The following LTBP1 variants were observed in gnomAD, a reference collection of about 807,000 sequenced individuals.
LTBP1 encodes latent-transforming growth factor beta-binding protein 1.
LTBP1 carries 129 observed loss-of-function variants against 207.6 expected under a neutral mutation model. That is an observed-to-expected ratio of 0.62 (90% CI 0.54 to 0.72). LTBP1 has a LOEUF of 0.72. Among genes scored for constraint, LTBP1 ranks in the 30% least tolerant of loss-of-function variants. The probability of loss-of-function intolerance (pLI) is 0.00; values close to 1 mark genes in which losing one functional copy is unlikely to be tolerated. For synonymous variants in LTBP1, 963 were observed against 833.7 expected, an observed-to-expected ratio of 1.16 and a Z score of -2.67; for missense variants, 2,281 against 2,217.2, an observed-to-expected ratio of 1.03 and a Z score of -0.58.
chr2:33,304,458 A>T (rs1328961686), intron 22 of LTBP1, among the ~76,000 whole-genome samples: 2 of 152,136 alleles, frequency 1.3e-5, no homozygotes, highest in African/African-American at 4.8e-5. Flanking sequence ...TCTGGCAAAG[A>T]CCTTGTTTTC....
intron 4 of LTBP1, among the ~76,000 whole-genome samples, chr2:33,129,289 A>G (rs2081617703): frequency 6.6e-6 from 1 of 152,196 alleles, no homozygotes; most frequent in Non-Finnish European, 1.5e-5. Flanking sequence ...AGGGATGCGG[A>G]ACACCCAGAA....
At chr2:33,235,364 C>T (rs2091991376) in intron 9 of LTBP1, among the ~76,000 whole-genome samples, 1 of 152,156 alleles carries the variant, frequency 6.6e-6, no homozygotes, top group Non-Finnish European at 1.5e-5. Flanking sequence ...CATCTCACGT[C>T]AGTTAGAATG....
chr2:33,364,797 ACTGATAATTGGCAAAAAGCCG>A (rs2094964819), intron 30 of LTBP1, among the ~76,000 whole-genome samples: 1 of 152,222 alleles, frequency 6.6e-6, no homozygotes, highest in African/African-American at 2.4e-5. Context: ...CCCTGATGCT[ACTGATAATTGGCAAAAAGCCG>A]CTGATAATTG....
intron 20 of LTBP1, among the ~76,000 whole-genome samples, chr2:33,298,081 T>C (rs560074675): frequency 6.6e-6 from 1 of 152,356 alleles, no homozygotes; most frequent in Non-Finnish European, 1.5e-5. Flanking sequence ...GGGTGTGTGA[T>C]ATTCTTGGCA....
At position 33,252,695 on chromosome 2, in the gene LTBP1, C is replaced by T. The variant is rs757007022; in HGVS notation, c.2018C>T (p.Ser673Leu). The T allele has an allele frequency of 6.8e-6, 11 of 1,611,930 alleles. No individual in the cohort carries two copies. In the Admixed American group the frequency reaches 8.3e-5, roughly 12 times the overall value. ...GCTTCAGCTGATCCCCCTGTGATCT[C>T]GGAAGAGAAAGGGCCCTGTTACCGA... is the stretch of plus-strand genomic sequence containing the variant. Reference protein sequence around the residue: ...SSCVPDPPVISEEKGPCYRLV... With the variant: ...SSCVPDPPVILEEKGPCYRLV... The change falls in exon 11 of 34, where the codon TCG becomes TTG. Residue 673 changes from serine to leucine, a missense_variant. Ser to Leu is a moderately radical substitution (Grantham distance 145, BLOSUM62 -2). Coordinates refer to ENST00000404816, the MANE Select transcript of LTBP1 (RefSeq NM_206943.4).
At chr2:33,103,976 C>T (rs537941449) in intron 3 of LTBP1, among the ~76,000 whole-genome samples, 38 of 152,142 alleles carry the variant, frequency 2.5e-4, no homozygotes, top group Non-Finnish European at 3.1e-4. Flanking sequence ...CACAGGGGAA[C>T]GGGTTAGATT....
At chr2:33,308,205 T>C (rs910807132) in intron 22 of LTBP1, among the ~76,000 whole-genome samples, 1 of 152,192 alleles carries the variant, frequency 6.6e-6, no homozygotes, top group African/African-American at 2.4e-5. Context: ...GGGGTAAACA[T>C]GGTAATCAGC....
chr2:33,229,166 T>A (rs2091642572), intron 9 of LTBP1, among the ~76,000 whole-genome samples: 1 of 152,176 alleles, frequency 6.6e-6, no homozygotes, highest in Admixed American at 6.5e-5. Context: ...TTGTTTTATT[T>A]CATTAAAAAG....
chr2:33,196,665 A>C (rs1226228882), intron 7 of LTBP1, among the ~76,000 whole-genome samples: 1 of 152,240 alleles, frequency 6.6e-6, no homozygotes, highest in Non-Finnish European at 1.5e-5. Context: ...TAAATGCTAA[A>C]TAAATGCTAA....
At chr2:33,021,788 A>C (rs2075183489) in intron 3 of LTBP1, among the ~76,000 whole-genome samples, 1 of 152,068 alleles carries the variant, frequency 6.6e-6, no homozygotes, top group Non-Finnish European at 1.5e-5. Context: ...TATGGGAACA[A>C]GGTTTTTTTT....
intron 4 of LTBP1, 122 bp downstream of exon 4, chr2:33,110,873 C>T (rs1480676912): frequency 1.1e-6 from 1 of 951,754 alleles, no homozygotes; most frequent in Non-Finnish European, 1.5e-6. Flanking sequence ...TTAAAAAATC[C>T]ACATTGGTTC....
At chr2:33,336,123 G>T (rs912868814) in intron 24 of LTBP1, among the ~76,000 whole-genome samples, 1 of 152,164 alleles carries the variant, frequency 6.6e-6, no homozygotes, top group Non-Finnish European at 1.5e-5. Context: ...AAAGGACAGA[G>T]ATGCCTAAGT....
chr2:33,169,355 T>G (rs2085223304), intron 5 of LTBP1, among the ~76,000 whole-genome samples: 1 of 152,212 alleles, frequency 6.6e-6, no homozygotes, highest in Admixed American at 6.5e-5. Context: ...CTCTGAAGCC[T>G]TCTGTTCAAA....
chr2:33,136,067 G>C (rs1410427434), intron 5 of LTBP1, among the ~76,000 whole-genome samples: 1 of 152,142 alleles, frequency 6.6e-6, no homozygotes, highest in Non-Finnish European at 1.5e-5. Flanking sequence ...TGATTATTCT[G>C]CTGTTTTATT....
At chr2:33,331,523 G>T (rs777038850) in intron 24 of LTBP1, among the ~76,000 whole-genome samples, 4 of 151,872 alleles carry the variant, frequency 2.6e-5, no homozygotes, top group African/African-American at 4.8e-5. Flanking sequence ...GTATTTTCTG[G>T]TTAACTTTTT....
chr2:33,166,004 G>T (rs1342860922), intron 5 of LTBP1, among the ~76,000 whole-genome samples: 1 of 151,230 alleles, frequency 6.6e-6, no homozygotes, highest in Non-Finnish European at 1.5e-5. Context: ...AGTTTTGGAA[G>T]TCACCTCTTC....
intron 3 of LTBP1, among the ~76,000 whole-genome samples, chr2:33,087,530 T>C (rs188066027): frequency 2.0e-5 from 3 of 152,342 alleles, no homozygotes; most frequent in Admixed American, 1.3e-4. Context: ...GGGGAATTTA[T>C]TGTGTAACAG....
At chr2:33,189,327 C>T (rs1426136854) in intron 7 of LTBP1, among the ~76,000 whole-genome samples, 2 of 152,174 alleles carry the variant, frequency 1.3e-5, no homozygotes, top group Non-Finnish European at 2.9e-5. Context: ...TCCTAAGTAG[C>T]TGGGATTATA....
chr2:33,287,475 A>G (rs1370042095), intron 19 of LTBP1, among the ~76,000 whole-genome samples: 2 of 152,240 alleles, frequency 1.3e-5, no homozygotes, highest in African/African-American at 4.8e-5. Context: ...GGAGAAAGCC[A>G]CATGGGCTGG....
Sources: allele counts gnomAD v4.1 joint callset (sites outside exome capture counted in the v4.1 genomes callset), GRCh38; gene constraint gnomAD v4.1.1; transcripts MANE v1.5; gene names NCBI Gene and HGNC (gene_info 2026-07-23, HGNC 2026-07-21).